Variants in UGT2A3 observed in about 807,000 individuals in gnomAD.
The protein encoded by UGT2A3 is UDP-glucuronosyltransferase 2A3.
Under a neutral mutation model 44.1 loss-of-function variants are expected in UGT2A3, and 55 were observed. That is an observed-to-expected ratio of 1.25 (90% CI 1.00 to 1.56). The LOEUF is 1.56. Among genes scored for constraint, UGT2A3 ranks in the 40% most tolerant of loss-of-function variants. The pLI is 0.00. For missense variants in UGT2A3, 733 were observed against 621.6 expected (o/e 1.18, Z -1.91); for synonymous variants, 243 against 215.1 (o/e 1.13, Z -1.13).
chr4:68,943,339 GC>G, intron 2 of UGT2A3: 1 of 1,272,138 alleles, frequency 7.9e-7, no homozygotes, highest in South Asian at 1.3e-5. Flanking sequence ...AGATACAGAT[GC>G]CATGGCTTAA....
chr4:68,948,195 CT>C (rs1718450508), intron 1 of UGT2A3, among the ~76,000 whole-genome samples: 1 of 151,780 alleles, frequency 6.6e-6, no homozygotes, highest in African/African-American at 2.4e-5. Context: ...AGTATATTAG[CT>C]AAGTCTTCTG....
rs544049999 is a variant in UGT2A3, at chr4:68,945,247, T to C, written c.864+59A>G. On this transcript the variant is annotated intron_variant, in intron 2 of 5. Coordinates refer to ENST00000251566, the MANE Select transcript of UGT2A3 (RefSeq NM_024743.4). The stretch of plus-strand genomic sequence containing the variant: ...CTTCTATAACTAAGGTTGTAATCTT[T>C]CAAGGGAAAACAAGTCATGTCATAA... 11 of 1,589,736 alleles carry C rather than the reference T, an allele frequency of 6.9e-6. No individual in the cohort carries two copies. In the East Asian group the frequency reaches 1.8e-4, roughly 26 times the overall value.
chr4:68,931,225 T>A lies in UGT2A3; in HGVS notation c.1014A>T (p.Lys338Asn). Reference sequence around the variant, plus strand: ...CTCCTAATGTGGATGGTTTTTTTCCTTTGTACCTCCATAACACCTACGGAA... The same window carrying A: ...CTCCTAATGTGGATGGTTTTTTTCCATTGTACCTCCATAACACCTACGGAA... The part of the protein sequence containing the change: ...QIPQKVLWRY[K>N]GKKPSTLGAN... Residue 338 changes from lysine (K) to asparagine (N), a missense_variant, in exon 4 of 6, where the codon AAA (lysine) becomes AAT (asparagine). By Grantham distance (94) the Lys-to-Asn change is moderately conservative (BLOSUM62 0). Coordinates refer to ENST00000251566, the MANE Select transcript of UGT2A3 (RefSeq NM_024743.4). The A allele has an allele frequency of 6.2e-7, 1 of 1,612,832 alleles. No individual in the cohort carries two copies. The highest frequency in any genetic ancestry group is 8.5e-7 in the Non-Finnish European group (1 of 1,179,292).
intron 2 of UGT2A3, among the ~76,000 whole-genome samples, chr4:68,934,259 GA>G (rs1192224935): frequency 2.6e-5 from 4 of 151,704 alleles, no homozygotes; most frequent in Non-Finnish European, 1.5e-5. Context: ...GAAGAAATCA[GA>G]ATAATAAAGA....
At position 68,932,711 on chromosome 4, in the gene UGT2A3, ACAC is replaced by A. The variant is rs749208284; in HGVS notation, c.910_912del (p.Val304del). The A allele has an allele frequency of 1.2e-6, 2 of 1,611,848 alleles. No individual in the cohort carries two copies. Among genetic ancestry groups the A allele is most frequent in the African/African-American group, 2.7e-5 (2 of 74,786 alleles). ...TTTTGAAACAGTGACCCCAGAGAAAACACCACAATACCATCTTCCCCTGAACTC... is the reference window on the plus strand; with the variant it reads ...TTTTGAAACAGTGACCCCAGAGAAAACACAATACCATCTTCCCCTGAACTC... On this transcript the variant is annotated inframe_deletion, in exon 3 of 6. Coordinates refer to ENST00000251566, the MANE Select transcript of UGT2A3 (RefSeq NM_024743.4).
At chr4:68,930,518 A>G in intron 5 of UGT2A3, 28 bp downstream of exon 5, 6 of 1,558,894 alleles carry the variant, frequency 3.8e-6, no homozygotes, top group Non-Finnish European at 5.2e-6. Context: ...TCAATGTTAG[A>G]TCAGTCTGTA....
chr4:68,951,178 G>A lies in UGT2A3; in HGVS notation c.583C>T (p.Pro195Ser). 1 of 1,611,982 alleles carries A rather than the reference G, an allele frequency of 6.2e-7. No individual in the cohort carries two copies. The highest frequency in any genetic ancestry group is 1.1e-5 in the South Asian group (1 of 90,994). Residue 195 changes from proline to serine, a missense_variant, in exon 1 of 6, where the codon CCT becomes TCT. Coordinates refer to ENST00000251566, the MANE Select transcript of UGT2A3 (RefSeq NM_024743.4). ...LPAPLSYVPV[P>S]MTGLTDRMTF... ...ATTCTGTCTGTTAGTCCTGTCATAGGCACAGGTACATAGGAAAGTGGAGCT... is the reference window on the plus strand; with the variant it reads ...ATTCTGTCTGTTAGTCCTGTCATAGACACAGGTACATAGGAAAGTGGAGCT...
chr4:68,930,938 T>C (rs770004288), intron 4 of UGT2A3, among the ~76,000 whole-genome samples, 173 bp from the exon 5 acceptor site: 3 of 152,104 alleles, frequency 2.0e-5, no homozygotes, highest in African/African-American at 4.8e-5. Flanking sequence ...TCCAGAAAAA[T>C]AGGCATTAAT....
At chr4:68,935,450 A>G (rs973464240) in intron 2 of UGT2A3, among the ~76,000 whole-genome samples, 1 of 151,648 alleles carries the variant, frequency 6.6e-6, no homozygotes, top group Non-Finnish European at 1.5e-5. Context: ...AAACTCCAAC[A>G]GACCTGAAGC....
rs1718600976 is a variant in UGT2A3, at chr4:68,951,686, T to A, written c.75A>T (p.Lys25Asn). Residue 25 changes from lysine (K) to asparagine (N), a missense_variant, in exon 1 of 6, where the codon AAA becomes AAT. Transcript: ENST00000251566. ...LFCVGCGFCG[K>N]VLVWPCDMSH... is the part of the protein sequence containing the mutation. ...TCATGTCACAGGGCCACACCAGGAC[T>A]TTCCCACAGAATCCACAGCCAACAC... 1 of 1,611,252 alleles carries A rather than the reference T, an allele frequency of 6.2e-7. No individual in the cohort carries two copies. Among genetic ancestry groups the A allele is most frequent in the African/African-American group, 1.3e-5 (1 of 74,740 alleles).
chr4:68,934,021 A>G (rs1697752156), intron 2 of UGT2A3, among the ~76,000 whole-genome samples: 1 of 151,662 alleles, frequency 6.6e-6, no homozygotes, highest in South Asian at 2.1e-4. Flanking sequence ...TTAAATATGT[A>G]GACATCAATA....
chr4:68,943,221 T>TTG (rs1253515284), intron 2 of UGT2A3: 6 of 638,176 alleles, frequency 9.4e-6, no homozygotes, highest in South Asian at 3.6e-5. Context: ...GTGTGTGTGT[T>TTG]TGTGTGTGTG....
intron 2 of UGT2A3, among the ~76,000 whole-genome samples, chr4:68,938,952 C>T (rs958593271): frequency 6.6e-6 from 1 of 152,020 alleles, no homozygotes; most frequent in Non-Finnish European, 1.5e-5. Context: ...TTCACAATTG[C>T]TACAAACAGA....
chr4:68,932,527 T>G, intron 3 of UGT2A3, 101 bp downstream of exon 3: 9 of 1,410,384 alleles, frequency 6.4e-6, no homozygotes, highest in Non-Finnish European at 8.6e-6. Flanking sequence ...CAAATTTTGG[T>G]ACCTGTTATG....
At chr4:68,943,172 A>G in intron 2 of UGT2A3, 2 of 396,346 alleles carry the variant, frequency 5.0e-6, no homozygotes, top group Non-Finnish European at 4.1e-6. Flanking sequence ...TTTTTTAAAA[A>G]TATGACTTCT....
chr4:68,941,915 A>G (rs1226732916), intron 2 of UGT2A3, among the ~76,000 whole-genome samples: 1 of 151,974 alleles, frequency 6.6e-6, no homozygotes, highest in Non-Finnish European at 1.5e-5. Flanking sequence ...AGGGAAATGC[A>G]AATCAAAACT....
At position 68,932,634 on chromosome 4, in the gene UGT2A3, T is replaced by A; in HGVS notation, c.990A>T (p.Pro330=). The change falls in exon 3 of 6, where the codon CCA becomes CCT. Residue 330 remains proline, a synonymous_variant. Transcript: ENST00000251566. Reference sequence around the variant, plus strand: ...GATTGGAGGTTTTACTGACCTTCTGTGGGATCTGGGCAAGGGCTGAAGCAA... The same window carrying A: ...GATTGGAGGTTTTACTGACCTTCTGAGGGATCTGGGCAAGGGCTGAAGCAA... ...NIIASALAQI[P]QKVLWRYKGK... is the part of the protein sequence containing the mutation. The A allele has an allele frequency of 6.2e-7, 1 of 1,607,350 alleles. No individual in the cohort carries two copies. The highest frequency in any genetic ancestry group is 8.5e-7 in the Non-Finnish European group (1 of 1,177,174).
chr4:68,939,921 T>C (rs1718121637), intron 2 of UGT2A3, among the ~76,000 whole-genome samples: 1 of 152,094 alleles, frequency 6.6e-6, no homozygotes, highest in African/African-American at 2.4e-5. Context: ...AGAAGACATT[T>C]ATGCAGCCAA....
At chr4:68,945,925 G>T (rs1397481329) in intron 1 of UGT2A3, among the ~76,000 whole-genome samples, 2 of 151,464 alleles carry the variant, frequency 1.3e-5, no homozygotes, top group African/African-American at 2.4e-5. Context: ...CTAATCTATA[G>T]TCAAGGGTAT....
Sources: allele counts gnomAD v4.1 joint callset (sites outside exome capture counted in the v4.1 genomes callset), GRCh38; gene constraint gnomAD v4.1.1; transcripts MANE v1.5; gene names NCBI Gene and HGNC (gene_info 2026-07-23, HGNC 2026-07-21).